The following SPAG16 variants were observed in gnomAD, a reference collection of about 807,000 sequenced individuals.
SPAG16 encodes sperm associated antigen 16, also known as sperm-associated antigen 16 protein.
A neutral mutation model predicts 80.4 loss-of-function variants in SPAG16; 86 were observed. That is an observed-to-expected ratio of 1.07 (90% confidence interval 0.90 to 1.28). The LOEUF (loss-of-function observed/expected upper bound fraction) is 1.28. SPAG16 is among the 50% of genes most tolerant of loss of function. SPAG16 has a pLI of 0.00. For missense variants in SPAG16, 870 were observed against 765.3 expected, an observed-to-expected ratio of 1.14 and a Z score of -1.61; for synonymous variants, 294 against 265.9, an observed-to-expected ratio of 1.11 and a Z score of -1.03.
chr2:213,373,692 T>C (rs1490909407), intron 8 of SPAG16, among the ~76,000 whole-genome samples: 1 of 152,238 alleles, frequency 6.6e-6, no homozygotes, highest in Non-Finnish European at 1.5e-5. Flanking sequence ...TACTGATTTC[T>C]CTTTTCTTTC....
At chr2:213,787,525 G>A (rs1217299782) in intron 10 of SPAG16, among the ~76,000 whole-genome samples, 1 of 152,054 alleles carries the variant, frequency 6.6e-6, no homozygotes, top group Non-Finnish European at 1.5e-5. Flanking sequence ...CTTGGAGATA[G>A]GAAGGCTGTA....
chr2:214,379,396 G>A (rs1468216508), intron 15 of SPAG16, among the ~76,000 whole-genome samples: 2 of 152,188 alleles, frequency 1.3e-5, no homozygotes, highest in Non-Finnish European at 2.9e-5. Context: ...TGTCAGAGCT[G>A]TTATTAGCCT....
chr2:214,382,495 A>G (rs1199331181), intron 15 of SPAG16, among the ~76,000 whole-genome samples: 3 of 152,214 alleles, frequency 2.0e-5, no homozygotes, highest in Non-Finnish European at 4.4e-5. Context: ...CATGTGCAGC[A>G]GATCTTGTTT....
At chr2:213,462,362 A>G (rs1428162860) in intron 9 of SPAG16, among the ~76,000 whole-genome samples, 4 of 152,242 alleles carry the variant, frequency 2.6e-5, no homozygotes, top group East Asian at 1.9e-4. Flanking sequence ...CCTCAGTGCA[A>G]TCTCTAGAAA....
intron 15 of SPAG16, among the ~76,000 whole-genome samples, chr2:214,197,105 G>A (rs1444992597): frequency 6.6e-6 from 1 of 151,930 alleles, no homozygotes; most frequent in East Asian, 1.9e-4. Context: ...CTTAGAGAAA[G>A]TTAGGGCAAT....
At chr2:213,507,069 A>T (rs1341700419) in intron 10 of SPAG16, among the ~76,000 whole-genome samples, 1 of 152,228 alleles carries the variant, frequency 6.6e-6, no homozygotes, top group Non-Finnish European at 1.5e-5. Flanking sequence ...GTGCTACCCC[A>T]GAGTTGAAAA....
At chr2:214,351,835 AC>A (rs56276886) in intron 15 of SPAG16, among the ~76,000 whole-genome samples, 106,968 of 151,778 alleles carry the variant, frequency 0.7, 41,136 homozygotes, top group South Asian at 0.87. Flanking sequence ...TATTTGACAC[AC>A]AAAAAAAATA....
chr2:213,797,487 T>A (rs1412500383), intron 10 of SPAG16, among the ~76,000 whole-genome samples: 2 of 152,218 alleles, frequency 1.3e-5, no homozygotes, highest in Non-Finnish European at 2.9e-5. Context: ...ACCATTGTGT[T>A]ACAATGCCTA....
intron 10 of SPAG16, among the ~76,000 whole-genome samples, chr2:213,551,925 A>G (rs2076791338): frequency 6.6e-6 from 1 of 152,138 alleles, no homozygotes; most frequent in Non-Finnish European, 1.5e-5. Context: ...GCCCAGTAGC[A>G]ATTCCCAAGA....
intron 15 of SPAG16, among the ~76,000 whole-genome samples, chr2:214,323,643 G>A (rs1363675920): frequency 6.6e-6 from 1 of 152,108 alleles, no homozygotes; most frequent in South Asian, 2.1e-4. Flanking sequence ...AATAGATTGC[G>A]ATATTTCTTT....
intron 9 of SPAG16, among the ~76,000 whole-genome samples, chr2:213,474,443 G>C (rs555544974): frequency 6.6e-6 from 1 of 152,224 alleles, no homozygotes; most frequent in East Asian, 1.9e-4. Flanking sequence ...TTTGTCTACT[G>C]AACTTAGGAG....
chr2:213,746,815 A>G (rs2067846969), intron 10 of SPAG16, among the ~76,000 whole-genome samples: 1 of 152,186 alleles, frequency 6.6e-6, no homozygotes. Context: ...TCAAAAAAAG[A>G]AGAAAAGAAA....
chr2:213,744,031 T>C (rs543286027), intron 10 of SPAG16, among the ~76,000 whole-genome samples: 2 of 152,352 alleles, frequency 1.3e-5, no homozygotes, highest in African/African-American at 4.8e-5. Flanking sequence ...CTTGGGAAAT[T>C]ATCCATGGGA....
chr2:214,119,025 A>C (rs905684853), intron 14 of SPAG16, among the ~76,000 whole-genome samples: 1 of 152,158 alleles, frequency 6.6e-6, no homozygotes, highest in African/African-American at 2.4e-5. Flanking sequence ...TAGATATGAT[A>C]ATTATCCTGA....
At chr2:214,286,616 G>A (rs1390286022) in intron 15 of SPAG16, among the ~76,000 whole-genome samples, 5 of 152,092 alleles carry the variant, frequency 3.3e-5, no homozygotes, top group Non-Finnish European at 5.9e-5. Flanking sequence ...GTGTGGTGGT[G>A]CACAACTATA....
intron 10 of SPAG16, among the ~76,000 whole-genome samples, chr2:213,544,464 C>A (rs2076550911): frequency 6.6e-6 from 1 of 151,994 alleles, no homozygotes; most frequent in Non-Finnish European, 1.5e-5. Flanking sequence ...TCCTTCTTAT[C>A]AACATCCTCA....
intron 9 of SPAG16, among the ~76,000 whole-genome samples, chr2:213,439,666 A>G (rs1358355648): frequency 6.6e-6 from 1 of 152,210 alleles, no homozygotes; most frequent in Non-Finnish European, 1.5e-5. Flanking sequence ...AAAGGAATGA[A>G]GTCTGCATGG....
intron 9 of SPAG16, among the ~76,000 whole-genome samples, chr2:213,381,246 A>T (rs977417090): frequency 1.3e-5 from 2 of 152,228 alleles, no homozygotes; most frequent in Non-Finnish European, 2.9e-5. Flanking sequence ...TACTCCATGT[A>T]AATGACTGCT....
At chr2:213,554,681 A>G (rs1411241306) in intron 10 of SPAG16, among the ~76,000 whole-genome samples, 1 of 152,060 alleles carries the variant, frequency 6.6e-6, no homozygotes, top group East Asian at 1.9e-4. Context: ...AAAAAATAAC[A>G]AACAAAACTT....
Sources: gnomAD v4.1 joint callset for allele counts (sites outside exome capture counted in the v4.1 genomes callset) on GRCh38, gnomAD v4.1.1 for gene constraint, MANE v1.5 for transcripts, NCBI Gene and HGNC (gene_info 2026-07-23, HGNC 2026-07-21) for gene names.